The following BANK1 variants were observed in gnomAD, a reference collection of about 807,000 sequenced individuals.
BANK1 encodes B-cell scaffold protein with ankyrin repeats.
A neutral mutation model predicts 94.5 loss-of-function variants in BANK1; 95 were observed. The ratio of observed to expected loss-of-function variants is 1.00; its 90% CI spans 0.85 to 1.19. BANK1 has a LOEUF of 1.19. Among genes scored for constraint, BANK1 ranks in the 50% most tolerant of loss-of-function variants. BANK1 has a pLI of 0.00. For synonymous variants in BANK1, 334 were observed against 308.4 expected, an observed-to-expected ratio of 1.08 and a Z score of -0.87; for missense variants, 987 against 932.2, an observed-to-expected ratio of 1.06 and a Z score of -0.77.
intron 2 of BANK1, among the ~76,000 whole-genome samples, chr4:101,844,655 T>G (rs944137575): frequency 2.6e-5 from 4 of 152,214 alleles, no homozygotes; most frequent in African/African-American, 9.7e-5. Flanking sequence ...TTTATTTAAC[T>G]TTTTAAAAAC....
chr4:102,066,160 G>A (rs944123319), intron 13 of BANK1, among the ~76,000 whole-genome samples: 2 of 150,616 alleles, frequency 1.3e-5, no homozygotes, highest in Non-Finnish European at 3.0e-5. Context: ...AGAAATTCTT[G>A]AAAGCAGCCA....
intron 13 of BANK1, among the ~76,000 whole-genome samples, chr4:102,068,440 G>A (rs1216163212): frequency 1.3e-5 from 2 of 151,508 alleles, no homozygotes; most frequent in African/African-American, 4.8e-5. Flanking sequence ...GAATGATCAA[G>A]GAAAAAAAAA....
intron 7 of BANK1, among the ~76,000 whole-genome samples, chr4:101,998,539 G>A (rs1725956998): frequency 6.6e-6 from 1 of 152,144 alleles, no homozygotes; most frequent in South Asian, 2.1e-4. Flanking sequence ...CTATTTTTGT[G>A]TGGGAGTTTA....
intron 11 of BANK1, among the ~76,000 whole-genome samples, chr4:102,058,368 G>A (rs899266270): frequency 1.4e-4 from 21 of 151,944 alleles, no homozygotes; most frequent in Admixed American, 1.4e-3. Flanking sequence ...TACACTAAAA[G>A]ACAAGAGTCT....
At chr4:101,908,983 G>A (rs139712736) in intron 6 of BANK1, among the ~76,000 whole-genome samples, 10,767 of 152,248 alleles carry the variant, frequency 0.071, 611 homozygotes, top group Admixed American at 0.18. Context: ...TTTGACCATT[G>A]TGGAAGACAG....
chr4:102,052,886 G>T (rs1277308613), intron 11 of BANK1, among the ~76,000 whole-genome samples: 1 of 152,148 alleles, frequency 6.6e-6, no homozygotes, highest in Non-Finnish European at 1.5e-5. Context: ...TGAGATGAAA[G>T]CAAAATATGT....
At chr4:102,060,599 T>C (rs1728386610) in intron 12 of BANK1, among the ~76,000 whole-genome samples, 1 of 152,180 alleles carries the variant, frequency 6.6e-6, no homozygotes, top group Admixed American at 6.5e-5. Context: ...TAACCCAGTA[T>C]ACCAAAGCTA....
chr4:101,828,642 C>T (rs1726474347), intron 1 of BANK1, among the ~76,000 whole-genome samples: 1 of 151,926 alleles, frequency 6.6e-6, no homozygotes, highest in South Asian at 2.1e-4. Context: ...AGCATTGTTA[C>T]ATTCTTTTTC....
At chr4:101,851,175 G>C (rs937506694) in intron 2 of BANK1, among the ~76,000 whole-genome samples, 4 of 152,140 alleles carry the variant, frequency 2.6e-5, no homozygotes, top group African/African-American at 9.7e-5. Context: ...AAAATTAAAA[G>C]TGCTACTCCA....
At chr4:101,879,604 G>T (rs1284647476) in intron 5 of BANK1, among the ~76,000 whole-genome samples, 1 of 151,792 alleles carries the variant, frequency 6.6e-6, no homozygotes, top group Non-Finnish European at 1.5e-5. Flanking sequence ...TACGAGCCCT[G>T]TATTACCCTA....
intron 1 of BANK1, among the ~76,000 whole-genome samples, 172 bp from the exon 2 acceptor site, chr4:101,829,636 C>G (rs1000203724): frequency 1.3e-5 from 2 of 151,648 alleles, no homozygotes; most frequent in Non-Finnish European, 2.9e-5. Flanking sequence ...TCTTTGAATT[C>G]TAGTTTTATT....
intron 5 of BANK1, among the ~76,000 whole-genome samples, chr4:101,873,947 A>T (rs1344688369): frequency 6.6e-6 from 1 of 152,188 alleles, no homozygotes; most frequent in African/African-American, 2.4e-5. Flanking sequence ...ACAATATAAA[A>T]GGGAAATAAC....
chr4:101,830,152 A>G lies in BANK1; in HGVS notation c.415A>G (p.Thr139Ala). Residue 139 changes from threonine to alanine, a missense_variant, in exon 2 of 17, where the codon ACT becomes GCT. Transcript: ENST00000322953. ...NISQSRWEIS[T>A]EQEPEDYISV... ...CTCTCAAAGCAGATGGGAGATCTCA[A>G]CTGAACAGGAACCTGAAGACTACAT... The G allele has an allele frequency of 1.2e-6, 2 of 1,604,766 alleles. No homozygotes were observed. The highest frequency in any genetic ancestry group is 2.2e-5 in the East Asian group (1 of 44,732).
At chr4:101,955,156 AAG>A (rs914357238) in intron 7 of BANK1, among the ~76,000 whole-genome samples, 5 of 152,186 alleles carry the variant, frequency 3.3e-5, no homozygotes, top group African/African-American at 1.2e-4. Flanking sequence ...ATGAAGCAGC[AAG>A]AGAGAGCACA....
intron 2 of BANK1, among the ~76,000 whole-genome samples, chr4:101,836,696 C>G (rs546296983): frequency 4.3e-4 from 66 of 152,250 alleles, no homozygotes; most frequent in African/African-American, 1.5e-3. Context: ...TAACCTCAAT[C>G]TAATCATGAG....
At chr4:102,059,098 C>A (rs570291542) in intron 11 of BANK1, among the ~76,000 whole-genome samples, 4 of 152,198 alleles carry the variant, frequency 2.6e-5, no homozygotes, top group Admixed American at 6.5e-5. Flanking sequence ...GTTATATCAA[C>A]AAATTCTTAT....
intron 13 of BANK1, among the ~76,000 whole-genome samples, chr4:102,065,123 A>G (rs1728548688): frequency 6.6e-6 from 1 of 152,232 alleles, no homozygotes; most frequent in Non-Finnish European, 1.5e-5. Flanking sequence ...CCAGCCTGGG[A>G]GTGTTTAAGT....
intron 7 of BANK1, among the ~76,000 whole-genome samples, chr4:101,947,811 T>C (rs1723988965): frequency 6.6e-6 from 1 of 152,052 alleles, no homozygotes; most frequent in African/African-American, 2.4e-5. Context: ...TCACTTATCA[T>C]TCTCCTTCAT....
chr4:101,908,878 A>T (rs1411598602), intron 6 of BANK1, among the ~76,000 whole-genome samples: 1 of 152,200 alleles, frequency 6.6e-6, no homozygotes, highest in Non-Finnish European at 1.5e-5. Context: ...CACCAGTTAG[A>T]ATGGTGATCA....
Sources: allele counts gnomAD v4.1 joint callset (sites outside exome capture counted in the v4.1 genomes callset), GRCh38; gene constraint gnomAD v4.1.1; transcripts MANE v1.5; gene names NCBI Gene and HGNC (gene_info 2026-07-23, HGNC 2026-07-21).